Variants in CLDN10 observed in about 807,000 individuals in gnomAD.
CLDN10 encodes claudin-10.
In CLDN10, 15 loss-of-function variants were observed where a neutral mutation model predicts 22.9. The observed-to-expected ratio is 0.65, with a 90% CI of 0.44 to 1.01. The LOEUF (loss-of-function observed/expected upper bound fraction) is 1.01. CLDN10 is among the 50% of genes least tolerant of loss of function. The probability of loss-of-function intolerance (pLI) is 0.00; values close to 1 mark genes in which losing one functional copy is unlikely to be tolerated. For missense variants in CLDN10, 247 were observed against 287.8 expected (o/e 0.86, Z 1.03); for synonymous variants, 114 against 111.4 (o/e 1.02, Z -0.15).
chr13:95,478,586 C>G (rs540764749), intron 1 of CLDN10, among the ~76,000 whole-genome samples: 1 of 152,184 alleles, frequency 6.6e-6, no homozygotes, highest in African/African-American at 2.4e-5. Context: ...GTGGGGTGAA[C>G]AGGGAGGGTG....
intron 1 of CLDN10, among the ~76,000 whole-genome samples, chr13:95,513,748 C>T (rs570374101): frequency 6.6e-6 from 1 of 152,086 alleles, no homozygotes; most frequent in Admixed American, 6.6e-5. Context: ...TGAGATAGAC[C>T]TTTTCTCATG....
intron 1 of CLDN10, among the ~76,000 whole-genome samples, chr13:95,523,656 G>A (rs1211774899): frequency 6.6e-6 from 1 of 152,172 alleles, no homozygotes; most frequent in Non-Finnish European, 1.5e-5. Flanking sequence ...GGCCCAGACT[G>A]TTTTCAGACT....
intron 1 of CLDN10, among the ~76,000 whole-genome samples, chr13:95,474,674 C>T (rs891186564): frequency 2.6e-5 from 4 of 152,222 alleles, no homozygotes; most frequent in Admixed American, 6.5e-5. Flanking sequence ...GGGCAATGGC[C>T]CTGTCTCAGT....
chr13:95,515,999 C>A (rs1199117948), intron 1 of CLDN10, among the ~76,000 whole-genome samples: 5 of 151,546 alleles, frequency 3.3e-5, no homozygotes, highest in Non-Finnish European at 7.4e-5. Context: ...GATTGAACCC[C>A]AGAGGCGGAG....
At chr13:95,552,113 G>A (rs2043572578), upstream of CLDN10, among the ~76,000 whole-genome samples, 1 of 152,230 alleles carries the variant, frequency 6.6e-6, no homozygotes, top group African/African-American at 2.4e-5. Flanking sequence ...GTTTTGCCAT[G>A]ACTTTCCGCA....
intron 1 of CLDN10, among the ~76,000 whole-genome samples, chr13:95,543,461 C>T (rs1488105385): frequency 6.6e-6 from 1 of 152,110 alleles, no homozygotes; most frequent in African/African-American, 2.4e-5. Flanking sequence ...GTAAAAGAAA[C>T]TGGTGAGTCT....
intron 1 of CLDN10, among the ~76,000 whole-genome samples, chr13:95,553,553 G>T (rs1046433790): frequency 3.3e-5 from 5 of 152,246 alleles, no homozygotes; most frequent in Admixed American, 2.0e-4. Flanking sequence ...CCTTTAAAGA[G>T]CTTCTACAAA....
intron 1 of CLDN10, among the ~76,000 whole-genome samples, chr13:95,489,289 T>C (rs994910834): frequency 1.1e-4 from 17 of 152,160 alleles, no homozygotes; most frequent in African/African-American, 3.4e-4. Flanking sequence ...CTGTTTTCCA[T>C]AGTGGCTGTT....
intron 1 of CLDN10, among the ~76,000 whole-genome samples, chr13:95,533,214 CAA>C (rs5805939): frequency 1.6e-5 from 2 of 124,658 alleles, no homozygotes; most frequent in Non-Finnish European, 1.7e-5. Flanking sequence ...TTAAATATTC[CAA>C]AAAAAAAAAA....
intron 1 of CLDN10, among the ~76,000 whole-genome samples, chr13:95,464,586 G>A (rs1005571940): frequency 5.9e-5 from 9 of 152,178 alleles, no homozygotes; most frequent in Non-Finnish European, 1.3e-4. Context: ...CTTTATAGCA[G>A]CATGATTGAT....
chr13:95,434,833 C>T (rs991985148), intron 1 of CLDN10, among the ~76,000 whole-genome samples: 1 of 151,734 alleles, frequency 6.6e-6, no homozygotes, highest in African/African-American at 2.4e-5. Flanking sequence ...TTCCTGATAA[C>T]GAAGGAAGGA....
At chr13:95,481,121 G>A (rs2138494585) in intron 1 of CLDN10, among the ~76,000 whole-genome samples, 1 of 152,312 alleles carries the variant, frequency 6.6e-6, no homozygotes, top group African/African-American at 2.4e-5. Context: ...ACCCCAGAGA[G>A]GAAGCTGGCA....
At chr13:95,501,116 C>A (rs981542093) in intron 1 of CLDN10, among the ~76,000 whole-genome samples, 2 of 151,772 alleles carry the variant, frequency 1.3e-5, no homozygotes, top group African/African-American at 4.8e-5. Context: ...TGGGTTTAAG[C>A]GATTCTCCTG....
chr13:95,474,118 G>A (rs945159315), intron 1 of CLDN10, among the ~76,000 whole-genome samples: 3 of 152,144 alleles, frequency 2.0e-5, no homozygotes, highest in African/African-American at 4.8e-5. Context: ...TCACCATAAC[G>A]TAGAATCAGT....
chr13:95,529,407 C>A (rs9590297), intron 1 of CLDN10, among the ~76,000 whole-genome samples: 5 of 151,966 alleles, frequency 3.3e-5, no homozygotes, highest in Middle Eastern at 3.4e-3. Context: ...ATAATGTACC[C>A]TGTTACATAG....
At chr13:95,504,367 T>C (rs1320995529) in intron 1 of CLDN10, among the ~76,000 whole-genome samples, 1 of 152,196 alleles carries the variant, frequency 6.6e-6, no homozygotes, top group Non-Finnish European at 1.5e-5. Flanking sequence ...ACATATTCCT[T>C]AATTTTTTAT....
chr13:95,530,380 A>G (rs2043328208), intron 1 of CLDN10, among the ~76,000 whole-genome samples: 1 of 152,220 alleles, frequency 6.6e-6, no homozygotes, highest in African/African-American at 2.4e-5. Flanking sequence ...GGCAGGTTGT[A>G]AGCGGTTGGG....
At chr13:95,434,719 A>G (rs2042250009) in intron 1 of CLDN10, among the ~76,000 whole-genome samples, 1 of 152,116 alleles carries the variant, frequency 6.6e-6, no homozygotes, top group African/African-American at 2.4e-5. Context: ...ACTGGCTTTT[A>G]AAACAATCCA....
chr13:95,509,126 C>T (rs943890985), intron 1 of CLDN10, among the ~76,000 whole-genome samples: 1 of 152,064 alleles, frequency 6.6e-6, no homozygotes, highest in Non-Finnish European at 1.5e-5. Context: ...GTAACAGAAG[C>T]AGTTGGGAAC....
Sources: gnomAD v4.1 joint callset for allele counts (sites outside exome capture counted in the v4.1 genomes callset) on GRCh38, gnomAD v4.1.1 for gene constraint, MANE v1.5 for transcripts, NCBI Gene and HGNC (gene_info 2026-07-23, HGNC 2026-07-21) for gene names.